The following MYOF variants were observed in gnomAD, a reference collection of about 807,000 sequenced individuals.
MYOF encodes the protein myoferlin.
MYOF carries 244 observed loss-of-function variants against 284.2 expected under a neutral mutation model. The ratio of observed to expected loss-of-function variants is 0.86; its 90% CI spans 0.77 to 0.95. The LOEUF (loss-of-function observed/expected upper bound fraction) is 0.95, where lower values mean the gene tolerates loss of function less well. MYOF is among the 40% of genes least tolerant of loss of function. The pLI is 0.00. For missense variants in MYOF, 2,496 were observed against 2,560.6 expected, an observed-to-expected ratio of 0.97 and a Z score of 0.54; for synonymous variants, 904 against 919.7, an observed-to-expected ratio of 0.98 and a Z score of 0.31.
intron 43 of MYOF, among the ~76,000 whole-genome samples, chr10:93,330,503 T>G (rs1257264801): frequency 6.6e-6 from 1 of 152,126 alleles, no homozygotes; most frequent in East Asian, 1.9e-4. Flanking sequence ...ATATGTAGGG[T>G]GCCCCAAAGG....
rs779745072 is a variant in MYOF, at chr10:93,351,443, A to G, written c.3792T>C (p.Leu1264=). The part of the protein sequence containing the change: ...MNGDKACGDV[L]VTAELILRGK... Reference sequence around the variant, plus strand: ...CCCTCAGAATCAGCTCTGCAGTTACAAGAACATCCCCGCAGGCTTTGTCTC... The same window carrying G: ...CCCTCAGAATCAGCTCTGCAGTTACGAGAACATCCCCGCAGGCTTTGTCTC... The change falls in exon 34 of 54, where the codon CTT becomes CTC. Residue 1264 remains leucine (L), a synonymous_variant. Coordinates refer to ENST00000359263, the MANE Select transcript of MYOF (RefSeq NM_013451.4). 10 of 1,614,248 alleles carry G rather than the reference A, an allele frequency of 6.2e-6. No homozygotes were observed. Among genetic ancestry groups the G allele is most frequent in the Non-Finnish European group, 8.5e-6 (10 of 1,180,052 alleles).
chr10:93,438,344 C>G (rs79024937), intron 3 of MYOF, among the ~76,000 whole-genome samples: 21,490 of 152,088 alleles, frequency 0.14, 1,635 homozygotes, highest in Middle Eastern at 0.2. Flanking sequence ...CATACTGTAC[C>G]AGGTGTCACT....
intron 5 of MYOF, among the ~76,000 whole-genome samples, chr10:93,413,241 C>T (rs570484797): frequency 1.3e-5 from 2 of 152,322 alleles, no homozygotes; most frequent in East Asian, 3.9e-4. Flanking sequence ...TTCTGCTATT[C>T]AGACTTTAGG....
At chr10:93,440,357 A>T (rs1200418093) in intron 3 of MYOF, among the ~76,000 whole-genome samples, 1 of 152,054 alleles carries the variant, frequency 6.6e-6, no homozygotes, top group Non-Finnish European at 1.5e-5. Flanking sequence ...GGTTGCAGTG[A>T]GCCGGGATTG....
chr10:93,403,904 C>T, intron 9 of MYOF, 119 bp downstream of exon 9: 1 of 1,071,430 alleles, frequency 9.3e-7, no homozygotes, highest in Non-Finnish European at 1.4e-6. Context: ...CAAGTGTCAT[C>T]ATGCTGAACC....
At chr10:93,349,467 G>T (rs1430303751) in intron 36 of MYOF, among the ~76,000 whole-genome samples, 2 of 152,192 alleles carry the variant, frequency 1.3e-5, no homozygotes, top group East Asian at 1.9e-4. Context: ...GTTGTAGGGG[G>T]TATATCTGGT....
At chr10:93,441,108 G>A (rs1160848407) in intron 3 of MYOF, among the ~76,000 whole-genome samples, 1 of 152,176 alleles carries the variant, frequency 6.6e-6, no homozygotes, top group African/African-American at 2.4e-5. Flanking sequence ...AGAAGAACCT[G>A]TTTCAATCCA....
intron 53 of MYOF, among the ~76,000 whole-genome samples, chr10:93,307,616 A>G (rs573774587): frequency 5.5e-5 from 8 of 145,760 alleles, no homozygotes; most frequent in African/African-American, 2.0e-4. Context: ...ACTGGTTTAA[A>G]CCAATAGAAT....
At chr10:93,424,928 C>CA (rs1848514592) in intron 5 of MYOF, among the ~76,000 whole-genome samples, 1 of 92,728 alleles carries the variant, frequency 1.1e-5, no homozygotes, top group Non-Finnish European at 2.2e-5. Context: ...GGGAGAATTC[C>CA]ATTTTTTTTT....
intron 3 of MYOF, among the ~76,000 whole-genome samples, chr10:93,435,926 A>AT (rs1849098281): frequency 6.6e-6 from 1 of 151,010 alleles, no homozygotes; most frequent in Non-Finnish European, 1.5e-5. Flanking sequence ...AATAATAATA[A>AT]ATTATTTTCT....
intron 24 of MYOF, among the ~76,000 whole-genome samples, chr10:93,370,063 T>C (rs1373950186): frequency 6.6e-6 from 1 of 152,222 alleles, no homozygotes; most frequent in African/African-American, 2.4e-5. Context: ...ATGGTATTTA[T>C]CTTCTTTACT....
At chr10:93,340,208 A>G in intron 38 of MYOF, 44 bp from the exon 39 acceptor site, 11 of 1,611,210 alleles carry the variant, frequency 6.8e-6, no homozygotes, top group Non-Finnish European at 9.3e-6. Context: ...AAACCATATA[A>G]CAGGTCACAT....
intron 3 of MYOF, among the ~76,000 whole-genome samples, chr10:93,443,871 G>A (rs1304509083): frequency 1.3e-5 from 2 of 152,118 alleles, no homozygotes; most frequent in African/African-American, 2.4e-5. Context: ...GCCTGGAGAG[G>A]GTAAGTAACT....
intron 3 of MYOF, among the ~76,000 whole-genome samples, chr10:93,450,822 A>G (rs754806111): frequency 1.5e-4 from 23 of 151,892 alleles, no homozygotes; most frequent in Non-Finnish European, 2.8e-4. Context: ...GCTTCTTACA[A>G]TTGATGGGGG....
chr10:93,390,685 T>A (rs907756528), intron 17 of MYOF, among the ~76,000 whole-genome samples: 1 of 152,220 alleles, frequency 6.6e-6, no homozygotes, highest in African/African-American at 2.4e-5. Context: ...GGGTTTGGAC[T>A]TCTTTCTGTG....
chr10:93,331,907 ACAT>A (rs1419537680), intron 43 of MYOF, among the ~76,000 whole-genome samples: 1 of 152,248 alleles, frequency 6.6e-6, no homozygotes. Context: ...TGAGAACAAA[ACAT>A]CATTTTCACA....
Position 93,401,496 on chromosome 10 carries a change from A to G in MYOF, c.1039T>C (p.Leu347=). 1 of 1,614,122 alleles carries G rather than the reference A, an allele frequency of 6.2e-7. No homozygotes were observed. The highest frequency in any genetic ancestry group is 8.5e-7 in the Non-Finnish European group (1 of 1,179,974). The change falls in exon 12 of 54, where the codon TTG becomes CTG. Residue 347 remains leucine, a synonymous_variant. Coordinates refer to ENST00000359263, the MANE Select transcript of MYOF (RefSeq NM_013451.4). ...AGGGCAATGCCAGCAGGGAGTAACA[A>G]ATTACTCTCCACATCATCACTGTCA... ...DNDSDDVESN[L]LLPAGIALRW...
chr10:93,378,006 G>A (rs1845918079), intron 21 of MYOF, among the ~76,000 whole-genome samples: 1 of 152,172 alleles, frequency 6.6e-6, no homozygotes, highest in Non-Finnish European at 1.5e-5. Context: ...TGCTGAGAAG[G>A]CCTAGAAGCA....
chr10:93,317,688 A>G (rs1459932522), intron 49 of MYOF, among the ~76,000 whole-genome samples: 4 of 152,182 alleles, frequency 2.6e-5, no homozygotes, highest in African/African-American at 9.6e-5. Context: ...TGGTCACTTA[A>G]GACCCTCAGA....
Sources: allele counts gnomAD v4.1 joint callset (sites outside exome capture counted in the v4.1 genomes callset), GRCh38; gene constraint gnomAD v4.1.1; transcripts MANE v1.5; gene names NCBI Gene and HGNC (gene_info 2026-07-23, HGNC 2026-07-21).